The following NEK9 variants were observed in gnomAD, a reference collection of about 807,000 sequenced individuals.
NEK9 encodes NIMA related kinase 9.
Under a neutral mutation model 123.4 loss-of-function variants are expected in NEK9, and 75 were observed. The observed-to-expected ratio is 0.61, with a 90% CI of 0.50 to 0.74. NEK9 has a LOEUF of 0.74. NEK9 is among the 30% of genes least tolerant of loss of function. The pLI, the probability that NEK9 is intolerant of heterozygous loss-of-function variation, is 0.00. For missense variants in NEK9, 952 were observed against 1,214.4 expected, an observed-to-expected ratio of 0.78 and a Z score of 3.21; for synonymous variants, 438 against 458.7, an observed-to-expected ratio of 0.95 and a Z score of 0.58.
At chr14:75,114,719 G>C (rs564216604) in intron 6 of NEK9, among the ~76,000 whole-genome samples, 1 of 152,068 alleles carries the variant, frequency 6.6e-6, no homozygotes, top group South Asian at 2.1e-4. Flanking sequence ...AGATAAGGCA[G>C]TAATAATAAT....
chr14:75,120,789 A>G (rs1895304436), intron 3 of NEK9: 1 of 582,696 alleles, frequency 1.7e-6, no homozygotes, highest in Non-Finnish European at 3.0e-6. Context: ...AATAGTTCCA[A>G]TGTCATTATA....
At chr14:75,095,490 A>G in intron 17 of NEK9, 59 bp from the exon 18 acceptor site, 4 of 1,127,490 alleles carry the variant, frequency 3.5e-6, no homozygotes, top group Non-Finnish European at 5.3e-6. Context: ...GAAAAATGAG[A>G]GAAGACTAGG....
intron 13 of NEK9, among the ~76,000 whole-genome samples, chr14:75,104,484 T>C (rs1463146365): frequency 8.8e-6 from 1 of 113,888 alleles, no homozygotes; most frequent in Non-Finnish European, 1.9e-5. Flanking sequence ...TATTTTCTTT[T>C]CTTCTTTTTT....
intron 19 of NEK9, among the ~76,000 whole-genome samples, chr14:75,089,475 C>T (rs777239784): frequency 6.6e-6 from 1 of 152,082 alleles, no homozygotes; most frequent in Admixed American, 6.5e-5. Context: ...GTGATCTGCC[C>T]GCCTTGGCCT....
At chr14:75,105,907 C>G in intron 13 of NEK9, 43 bp downstream of exon 13, 1 of 1,467,296 alleles carries the variant, frequency 6.8e-7, no homozygotes, top group South Asian at 1.1e-5. Flanking sequence ...GGAGTCTGTG[C>G]GACTTAAGAT....
chr14:75,121,203 T>C (rs1199901298), intron 2 of NEK9, 29 bp from the exon 3 acceptor site: 16 of 1,585,042 alleles, frequency 1.0e-5, no homozygotes, highest in East Asian at 2.2e-5. Context: ...CAGATTTGAA[T>C]TGCTTAATAC....
intron 12 of NEK9, 81 bp downstream of exon 12, chr14:75,106,420 GC>G: frequency 9.2e-7 from 1 of 1,088,150 alleles, no homozygotes; most frequent in Non-Finnish European, 1.4e-6. Flanking sequence ...TTTAGGGGCT[GC>G]ATGATGGGTT....
At chr14:75,118,972 G>A in intron 4 of NEK9, 37 bp from the exon 5 acceptor site, 1 of 1,142,340 alleles carries the variant, frequency 8.8e-7, no homozygotes, top group Non-Finnish European at 1.3e-6. Flanking sequence ...AGTTCACACA[G>A]ATAATTGTTT....
chr14:75,102,581 T>C (rs879558961), intron 14 of NEK9, among the ~76,000 whole-genome samples: 1 of 151,780 alleles, frequency 6.6e-6, no homozygotes, highest in Non-Finnish European at 1.5e-5. Flanking sequence ...CTTGATCTCA[T>C]GACCTCGTGA....
rs983857135 is a variant in NEK9, at chr14:75,084,317, C to T, written c.*247G>A. ...AGGTACAGAGCTGCTGTTGCTATGG[C>T]AGTCACTGATGACAAAGCCAGGGCC... On this transcript the variant is annotated 3_prime_UTR_variant, in exon 22 of 22. Coordinates refer to ENST00000238616, the MANE Select transcript of NEK9 (RefSeq NM_033116.6). The T allele has an allele frequency of 2.1e-6, 1 of 484,446 alleles. No individual in the cohort carries two copies. Among genetic ancestry groups the T allele is most frequent in the Admixed American group, 3.1e-5 (1 of 31,944 alleles). The allele number at this position is 484,446 out of a possible 1,614,324, so 30.0% of individuals were successfully genotyped here.
chr14:75,105,831 A>G (rs1894752162), intron 13 of NEK9, 119 bp downstream of exon 13: 1 of 780,614 alleles, frequency 1.3e-6, no homozygotes, highest in East Asian at 2.7e-5. Flanking sequence ...TCAGTCTCCC[A>G]AACAGGAAAC....
At chr14:75,106,409 A>T in intron 12 of NEK9, 93 bp downstream of exon 12, 1 of 963,894 alleles carries the variant, frequency 1.0e-6, no homozygotes, top group Non-Finnish European at 1.6e-6. Flanking sequence ...AACACTTCTC[A>T]TTTAGGGGCT....
At position 75,089,288 on chromosome 14, in the gene NEK9, C is replaced by T. The variant is rs150939172; in HGVS notation, c.2443-647G>A. ...CTGTCACCAGGCTGAAGTGCAGTGG[C>T]ACAATCTCGGCTCACTGCAACCTTC... On this transcript the variant is annotated intron_variant, in intron 19 of 21. Transcript: ENST00000238616. Among the ~76,000 whole-genome samples, 354 of 152,188 alleles carry T rather than the reference C, an allele frequency of 2.3e-3. 2 individuals are homozygous for T. Among genetic ancestry groups the T allele is most frequent in the African/African-American group, 7.9e-3 (330 of 41,522 alleles).
intron 14 of NEK9, among the ~76,000 whole-genome samples, chr14:75,102,117 AAAG>A (rs1894604089): frequency 6.6e-6 from 1 of 152,200 alleles, no homozygotes; most frequent in South Asian, 2.1e-4. Context: ...AGGGCAGGGC[AAAG>A]AATTAAAGTC....
At chr14:75,093,299 C>A (rs909224765) in intron 18 of NEK9, among the ~76,000 whole-genome samples, 2 of 152,188 alleles carry the variant, frequency 1.3e-5, no homozygotes, top group East Asian at 3.9e-4. Context: ...TGAACTAGAG[C>A]ATTACCTATA....
At chr14:75,117,353 A>G (rs187638009) in intron 5 of NEK9, 27 bp from the exon 6 acceptor site, 4 of 1,587,440 alleles carry the variant, frequency 2.5e-6, no homozygotes, top group African/African-American at 2.7e-5. Flanking sequence ...CAATCAAAGA[A>G]TAACTTCTTT....
At chr14:75,115,535 T>C (rs539889265) in intron 6 of NEK9, among the ~76,000 whole-genome samples, 2 of 152,266 alleles carry the variant, frequency 1.3e-5, no homozygotes, top group African/African-American at 2.4e-5. Context: ...TGAATTTGCA[T>C]TATCTTACAT....
At chr14:75,121,525 G>GT (rs1895332651) in intron 2 of NEK9, among the ~76,000 whole-genome samples, 1 of 152,134 alleles carries the variant, frequency 6.6e-6, no homozygotes, top group Admixed American at 6.6e-5. Flanking sequence ...CAATATTTTT[G>GT]TAACAACTCT....
At chr14:75,110,412 G>T in intron 8 of NEK9, 41 bp from the exon 9 acceptor site, 1 of 1,484,682 alleles carries the variant, frequency 6.7e-7, no homozygotes, top group Non-Finnish European at 9.4e-7. Flanking sequence ...GAAATAATAG[G>T]TTTTTATATT....
Sources: allele counts gnomAD v4.1 joint callset (sites outside exome capture counted in the v4.1 genomes callset), GRCh38; gene constraint gnomAD v4.1.1; transcripts MANE v1.5; gene names NCBI Gene and HGNC (gene_info 2026-07-23, HGNC 2026-07-21).